The following XPO7 variants were observed in gnomAD, a reference collection of about 807,000 sequenced individuals.
XPO7 encodes the protein exportin 7.
A neutral mutation model predicts 144.3 loss-of-function variants in XPO7; 21 were observed. That is an observed-to-expected ratio of 0.15 (90% CI 0.10 to 0.21). The LOEUF (loss-of-function observed/expected upper bound fraction) is 0.21. Among genes scored for constraint, XPO7 ranks in the 10% least tolerant of loss-of-function variants. The pLI, the probability that XPO7 is intolerant of heterozygous loss-of-function variation, is 1.00. For synonymous variants in XPO7, 580 were observed against 499.6 expected (o/e 1.16, Z -2.15); for missense variants, 808 against 1,325.8 (o/e 0.61, Z 6.06).
intron 8 of XPO7, 146 bp downstream of exon 8, chr8:21,977,989 C>G: frequency 1.4e-6 from 1 of 716,982 alleles, no homozygotes; most frequent in East Asian, 2.9e-5. Flanking sequence ...TGAGATTAAG[C>G]TTGTAGCCTA....
intron 2 of XPO7, among the ~76,000 whole-genome samples, chr8:21,968,348 A>G (rs939783277): frequency 2.0e-5 from 3 of 152,230 alleles, no homozygotes; most frequent in Non-Finnish European, 2.9e-5. Flanking sequence ...TATACAGTAA[A>G]TAGAACAAAT....
At position 22,002,255 on chromosome 8, in the gene XPO7, C is replaced by G; in HGVS notation, c.2926C>G (p.Pro976Ala). The G allele has an allele frequency of 6.2e-7, 1 of 1,612,862 alleles. No individual in the cohort carries two copies. The highest frequency in any genetic ancestry group is 1.1e-5 in the South Asian group (1 of 90,716). The change falls in exon 25 of 28, where the codon CCA (proline) becomes GCA (alanine). Residue 976 changes from proline to alanine, a missense_variant. Around this residue, in one of 5 missense-constraint regions of XPO7, gnomAD observed 140 missense variants for 237.9 expected, o/e 0.59. Coordinates refer to ENST00000252512, the MANE Select transcript of XPO7 (RefSeq NM_015024.5). ...CTTTCTGCACATCATGCAGCAGCATCCAGAGATGATCCAGCAGGTAAGAAA... is the reference window on the plus strand; with the variant it reads ...CTTTCTGCACATCATGCAGCAGCATGCAGAGATGATCCAGCAGGTAAGAAA... ...DRFLHIMQQH[P>A]EMIQQMLSTV...
intron 20 of XPO7, 31 bp from the exon 21 acceptor site, chr8:21,995,461 C>T (rs1812914582): frequency 6.4e-7 from 1 of 1,557,260 alleles, no homozygotes; most frequent in Non-Finnish European, 8.7e-7. Context: ...TTTCTGGAAT[C>T]AGAAATCTTT....
Position 21,995,568 on chromosome 8 carries a change from C to T in XPO7, c.2314C>T (p.Leu772Phe), listed in dbSNP as rs1484511379. The change falls in exon 21 of 28, where the codon CTC becomes TTC. Residue 772 changes from leucine to phenylalanine, a missense_variant. Coordinates refer to ENST00000252512, the MANE Select transcript of XPO7 (RefSeq NM_015024.5). ...TGATCCAGCCTGTACTACACCTGTA[C>T]TCAAGTTGATGGCTGAATTGGTTCA... ...YHDPACTTPVLKLMAELVHNR... is the reference protein window; with the variant it reads ...YHDPACTTPVFKLMAELVHNR... The T allele has an allele frequency of 1.2e-6, 2 of 1,607,672 alleles. No individual in the cohort carries two copies. Among genetic ancestry groups the T allele is most frequent in the Non-Finnish European group, 1.7e-6 (2 of 1,176,736 alleles).
At chr8:21,967,361 G>C (rs953531066) in intron 2 of XPO7, among the ~76,000 whole-genome samples, 1 of 151,976 alleles carries the variant, frequency 6.6e-6, no homozygotes, top group African/African-American at 2.4e-5. Context: ...ACGGAGTTTC[G>C]CTCTTGTTGC....
chr8:21,974,207 A>T (rs1189773182), intron 5 of XPO7, among the ~76,000 whole-genome samples: 3 of 144,716 alleles, frequency 2.1e-5, no homozygotes, highest in Admixed American at 6.9e-5. Context: ...TTTTATTTTT[A>T]TTTTTTTTAG....
At chr8:21,980,786 A>C (rs1812382877) in intron 9 of XPO7, among the ~76,000 whole-genome samples, 1 of 152,270 alleles carries the variant, frequency 6.6e-6, no homozygotes, top group South Asian at 2.1e-4. Flanking sequence ...AAAAAAAAAA[A>C]AAAACTAACA....
rs1346982963 is a variant in XPO7, at chr8:21,920,078, C to G, written c.18+290C>G. 3.3e-5 allele frequency among the ~76,000 whole-genome samples: 5 copies of G among 152,032 alleles called. No individual in the cohort carries two copies. The East Asian group carries it at 9.8e-4, about 30-fold the overall frequency. On this transcript the variant is annotated intron_variant, in intron 1 of 27. Coordinates refer to ENST00000252512, the MANE Select transcript of XPO7 (RefSeq NM_015024.5). Reference sequence around the variant, plus strand: ...GCCCACAACGTTCGTCAGTCACTGTCTTCGTCCCCGGGGGAGGCCTCCGTC... The same window carrying G: ...GCCCACAACGTTCGTCAGTCACTGTGTTCGTCCCCGGGGGAGGCCTCCGTC...
At chr8:21,996,647 T>C (rs865801847) in intron 21 of XPO7, among the ~76,000 whole-genome samples, 2 of 152,148 alleles carry the variant, frequency 1.3e-5, no homozygotes, top group South Asian at 4.1e-4. Context: ...AAAATTTACT[T>C]TTAAAAAGTG....
At chr8:21,987,471 C>T (rs1812618213) in intron 14 of XPO7, among the ~76,000 whole-genome samples, 195 bp downstream of exon 14, 1 of 152,180 alleles carries the variant, frequency 6.6e-6, no homozygotes, top group Non-Finnish European at 1.5e-5. Flanking sequence ...GCTCCATATG[C>T]TTAACAAATG....
intron 1 of XPO7, among the ~76,000 whole-genome samples, chr8:21,953,734 C>G (rs1327042517): frequency 3.3e-5 from 5 of 152,278 alleles, no homozygotes; most frequent in African/African-American, 1.2e-4. Context: ...CTCACTGTTA[C>G]TTTAATTTGC....
intron 1 of XPO7, chr8:21,966,279 G>T (rs765626340): frequency 2.6e-6 from 2 of 780,404 alleles, no homozygotes; most frequent in African/African-American, 1.7e-5. Context: ...AAGAGAGTCT[G>T]CTGAACTTTA....
chr8:21,955,747 T>C (rs1811515139), intron 1 of XPO7, among the ~76,000 whole-genome samples: 1 of 121,396 alleles, frequency 8.2e-6, no homozygotes, highest in Non-Finnish European at 1.8e-5. Flanking sequence ...TTTTTTTTTT[T>C]GAGATGGAGT....
chr8:21,947,027 A>T (rs1811215977), intron 1 of XPO7, among the ~76,000 whole-genome samples: 1 of 152,250 alleles, frequency 6.6e-6, no homozygotes, highest in Non-Finnish European at 1.5e-5. Flanking sequence ...TTACTTAAGG[A>T]ACTTCCATAA....
intron 7 of XPO7, among the ~76,000 whole-genome samples, chr8:21,977,145 CA>C (rs1454565352): frequency 6.6e-6 from 1 of 152,190 alleles, no homozygotes; most frequent in Non-Finnish European, 1.5e-5. Flanking sequence ...TCAAACACAA[CA>C]ACTTGTTCTT....
rs1440363573 is a variant in XPO7, at chr8:22,006,377, T to C, written c.*1289T>C. On this transcript the variant is annotated 3_prime_UTR_variant, in exon 28 of 28. Coordinates refer to ENST00000252512, the MANE Select transcript of XPO7 (RefSeq NM_015024.5). ...TTGTACACATCTCTAGTTCAGCTCT[T>C]GCCCACGGGACACTCATCAATTAGG... 1 of 152,236 alleles carries C rather than the reference T, an allele frequency of 6.6e-6. No individual in the cohort carries two copies. Among genetic ancestry groups the C allele is most frequent in the Non-Finnish European group, 1.5e-5 (1 of 68,040 alleles). The allele number at this position is 152,236 out of a possible 1,614,324, so 9.4% of individuals were successfully genotyped here.
rs1198262537 is a variant in XPO7, at chr8:21,991,977, G to A, written c.2148+3G>A. On this transcript the variant is annotated splice_donor_region_variant and intron_variant, in intron 19 of 27. Coordinates refer to ENST00000252512, the MANE Select transcript of XPO7 (RefSeq NM_015024.5). Reference sequence around the variant, plus strand: ...GTTTCAACGAGCAGGAGGCAAAGGTGAGTGAGTCTTTCACCCAGTAATTAA... The same window carrying A: ...GTTTCAACGAGCAGGAGGCAAAGGTAAGTGAGTCTTTCACCCAGTAATTAA... 1 of 1,611,006 alleles carries A rather than the reference G, an allele frequency of 6.2e-7. No individual in the cohort carries two copies. Among genetic ancestry groups the A allele is most frequent in the South Asian group, 1.1e-5 (1 of 90,456 alleles).
At chr8:21,994,106 A>G (rs1812861185) in intron 19 of XPO7, among the ~76,000 whole-genome samples, 1 of 152,138 alleles carries the variant, frequency 6.6e-6, no homozygotes, top group African/African-American at 2.4e-5. Flanking sequence ...TTCTTGGCAA[A>G]ACAAACTTCC....
rs539077972 is a variant in XPO7, at chr8:22,005,120, C to T, written c.*32C>T. On this transcript the variant is annotated 3_prime_UTR_variant, in exon 28 of 28. Transcript: ENST00000252512. ...CTTGGACTCTACCTGTACAGAGCAG[C>T]GTCCCTTTGGTTTGGCCCAGAGGGG... The T allele has an allele frequency of 1.1e-4, 172 of 1,558,280 alleles. 1 individual carries two copies. The South Asian group carries it at 1.8e-3, about 17-fold the overall frequency.
Sources: gnomAD v4.1 joint callset for allele counts (sites outside exome capture counted in the v4.1 genomes callset) on GRCh38, gnomAD v4.1.1 for gene constraint, gnomAD v4.1.1 regional missense constraint, MANE v1.5 for transcripts, NCBI Gene and HGNC (gene_info 2026-07-23, HGNC 2026-07-21) for gene names.